DYRK1A: variants seen among roughly 807,000 people sequenced by gnomAD.
DYRK1A encodes the protein dual specificity tyrosine phosphorylation regulated kinase 1A.
A neutral mutation model predicts 79.7 loss-of-function variants in DYRK1A; 9 were observed. That is an observed-to-expected ratio of 0.11 (90% CI 0.07 to 0.20). The LOEUF is 0.20. DYRK1A is among the 10% of genes least tolerant of loss of function. DYRK1A has a pLI of 1.00. For missense variants in DYRK1A, 622 were observed against 956.0 expected (o/e 0.65, Z 4.61); for synonymous variants, 349 against 329.7 (o/e 1.06, Z -0.63).
chr21:37,519,753 T>TTTGTTTTGTTTTGTTTTGTTTTGTTTTG lies in DYRK1A; in HGVS notation c.*7224_*7225insGTTTTGTTTTGTTTTGTTTTGTTTTGTT, dbSNP rs758322771. 3.1e-3 allele frequency: 254 copies of TTTGTTTTGTTTTGTTTTGTTTTGTTTTG among 82,504 alleles called. 11 individuals carry two copies. Among genetic ancestry groups the TTTGTTTTGTTTTGTTTTGTTTTGTTTTG allele is most frequent in the African/African-American group, 0.01 (224 of 22,206 alleles). The allele number at this position is 82,504 out of a possible 1,614,324, so 5.1% of individuals were successfully genotyped here. A position where few individuals can be genotyped will look rare whatever the true frequency, so the allele number is the denominator to read the frequency against. ...TGTGGGAAGTTTTTTTTTTTTTTTT[T>TTTGTTTTGTTTTGTTTTGTTTTGTTTTG]TTTTTTGAGGCGGAGTCTCGCTCTG... On this transcript the variant is annotated 3_prime_UTR_variant, in exon 12 of 12. Coordinates refer to ENST00000647188, the MANE Select transcript of DYRK1A (RefSeq NM_001347721.2).
At chr21:37,484,616 C>G (rs910771471) in intron 5 of DYRK1A, among the ~76,000 whole-genome samples, 2 of 152,176 alleles carry the variant, frequency 1.3e-5, no homozygotes, top group Admixed American at 6.5e-5. Flanking sequence ...CAGGCATGAG[C>G]TGCTGTACAG....
chr21:37,369,891 C>G (rs55904712), intron 1 of DYRK1A, among the ~76,000 whole-genome samples: 11,495 of 152,234 alleles, frequency 0.076, 647 homozygotes, highest in Non-Finnish European at 0.11. Flanking sequence ...TGCAAGATAT[C>G]TAAAAATAAG....
intron 1 of DYRK1A, among the ~76,000 whole-genome samples, chr21:37,392,273 G>GAC (rs2049884913): frequency 2.0e-5 from 3 of 152,196 alleles, no homozygotes; most frequent in Non-Finnish European, 4.4e-5. Flanking sequence ...GTCATCTCCT[G>GAC]TAGTCTTTCC....
chr21:37,453,444 G>A (rs1426395338), intron 2 of DYRK1A, among the ~76,000 whole-genome samples: 1 of 152,184 alleles, frequency 6.6e-6, no homozygotes, highest in Admixed American at 6.5e-5. Context: ...TTGTAGAATC[G>A]AGGAAGGGTT....
chr21:37,387,726 G>A (rs915090825), intron 1 of DYRK1A, among the ~76,000 whole-genome samples: 2 of 152,126 alleles, frequency 1.3e-5, no homozygotes, highest in Non-Finnish European at 2.9e-5. Flanking sequence ...TACTTCCTGA[G>A]AAAAGGGTAC....
intron 1 of DYRK1A, among the ~76,000 whole-genome samples, chr21:37,371,281 T>C (rs577063732): frequency 1.2e-4 from 19 of 152,330 alleles, no homozygotes; most frequent in Admixed American, 3.3e-4. Flanking sequence ...TATTGGGTAA[T>C]TGAAGAAAGA....
intron 2 of DYRK1A, among the ~76,000 whole-genome samples, chr21:37,451,554 G>GTAGGCTCTA (rs1248144225): frequency 6.6e-6 from 1 of 150,776 alleles, no homozygotes; most frequent in Non-Finnish European, 1.5e-5. Context: ...CCTAAGAGCA[G>GTAGGCTCTA]TAGGCTCTAC....
At chr21:37,473,706 T>G (rs1039562218) in intron 3 of DYRK1A, among the ~76,000 whole-genome samples, 1 of 152,208 alleles carries the variant, frequency 6.6e-6, no homozygotes, top group Non-Finnish European at 1.5e-5. Flanking sequence ...CTTTTCCTGG[T>G]GTCTTGTTTA....
intron 2 of DYRK1A, among the ~76,000 whole-genome samples, chr21:37,462,759 C>A (rs1317972619): frequency 6.6e-6 from 1 of 152,114 alleles, no homozygotes; most frequent in African/African-American, 2.4e-5. Context: ...CTCCCCCTTC[C>A]TATATTGTAC....
intron 3 of DYRK1A, among the ~76,000 whole-genome samples, chr21:37,475,652 G>A (rs777917448): frequency 1.3e-5 from 2 of 152,208 alleles, no homozygotes; most frequent in African/African-American, 2.4e-5. Context: ...GCTTGGCCTT[G>A]TAGGCAGAGT....
chr21:37,478,380 T>C, intron 4 of DYRK1A, 80 bp downstream of exon 4: 1 of 1,209,054 alleles, frequency 8.3e-7, no homozygotes, highest in Non-Finnish European at 1.2e-6. Context: ...TACCCTAAAC[T>C]TTTTTTTCAT....
intron 1 of DYRK1A, among the ~76,000 whole-genome samples, chr21:37,407,694 A>C (rs1245904895): frequency 2.0e-5 from 3 of 152,260 alleles, no homozygotes; most frequent in Non-Finnish European, 4.4e-5. Context: ...CATCTCTTAG[A>C]TATCATGAAG....
At chr21:37,460,246 T>G (rs1168536818) in intron 2 of DYRK1A, among the ~76,000 whole-genome samples, 1 of 152,174 alleles carries the variant, frequency 6.6e-6, no homozygotes, top group Non-Finnish European at 1.5e-5. Flanking sequence ...GAGAATCTTT[T>G]GTTTCCTGTT....
chr21:37,519,908 A>AT lies in DYRK1A; in HGVS notation c.*7385dup, dbSNP rs1324777260. 6 of 151,634 alleles carry AT rather than the reference A, an allele frequency of 4.0e-5. No homozygotes were observed. Among genetic ancestry groups the AT allele is most frequent in the South Asian group, 2.1e-4 (1 of 4,808 alleles). 9.4% of individuals were successfully genotyped at this position (151,634 alleles called of 1,614,324 possible). ...TGGCGCCCGCCACCACGCCCGGCTA[A>AT]TTTTTTTTGTGTATTTTTAGTAGAG... On this transcript the variant is annotated 3_prime_UTR_variant, in exon 12 of 12. Coordinates refer to ENST00000647188, the MANE Select transcript of DYRK1A (RefSeq NM_001347721.2).
chr21:37,457,433 C>T (rs1334757154), intron 2 of DYRK1A, among the ~76,000 whole-genome samples: 5 of 152,032 alleles, frequency 3.3e-5, no homozygotes, highest in Admixed American at 6.5e-5. Flanking sequence ...GGTGGGGTTT[C>T]GCCATGTTGA....
intron 2 of DYRK1A, among the ~76,000 whole-genome samples, chr21:37,447,412 C>T (rs545999014): frequency 9.2e-5 from 14 of 152,076 alleles, no homozygotes; most frequent in African/African-American, 3.4e-4. Context: ...ATGCCTCACA[C>T]GAATCTTGCT....
At chr21:37,407,187 A>G (rs1216454606) in intron 1 of DYRK1A, among the ~76,000 whole-genome samples, 2 of 152,160 alleles carry the variant, frequency 1.3e-5, no homozygotes, top group Non-Finnish European at 2.9e-5. Context: ...ATATTTGCAT[A>G]TATGTAGTGA....
intron 1 of DYRK1A, among the ~76,000 whole-genome samples, chr21:37,375,834 T>A (rs143981938): frequency 6.6e-6 from 1 of 152,188 alleles, no homozygotes; most frequent in Non-Finnish European, 1.5e-5. Flanking sequence ...TTACCTGTTA[T>A]GAGGTTAACA....
chr21:37,502,725 G>C (rs1489621777), intron 9 of DYRK1A: 3 of 151,872 alleles, frequency 2.0e-5, no homozygotes, highest in Non-Finnish European at 2.9e-5. Flanking sequence ...GCAATTCCTA[G>C]CTTCCATCTG....
Sources: allele counts gnomAD v4.1 joint callset (sites outside exome capture counted in the v4.1 genomes callset), GRCh38; gene constraint gnomAD v4.1.1; transcripts MANE v1.5; gene names NCBI Gene and HGNC (gene_info 2026-07-23, HGNC 2026-07-21).